Variants in PLEKHG3 observed in about 807,000 individuals in gnomAD.
PLEKHG3 encodes the protein pleckstrin homology and RhoGEF domain containing G3, also known as pleckstrin homology domain-containing family G member 3.
PLEKHG3 carries 62 observed loss-of-function variants against 94.9 expected under a neutral mutation model. The observed-to-expected ratio is 0.65, with a 90% confidence interval of 0.53 to 0.81. PLEKHG3 has a LOEUF of 0.81. Ranked by LOEUF, PLEKHG3 falls within the 30% of genes least tolerant of loss-of-function variation. The pLI is 0.00. For missense variants in PLEKHG3, 1,461 were observed against 1,619.3 expected, an observed-to-expected ratio of 0.90 and a Z score of 1.68; for synonymous variants, 614 against 654.0, an observed-to-expected ratio of 0.94 and a Z score of 0.93.
chr14:64,729,560 T>C (rs1594688692), intron 3 of PLEKHG3, among the ~76,000 whole-genome samples: 1 of 152,152 alleles, frequency 6.6e-6, no homozygotes, highest in Admixed American at 6.5e-5. Context: ...CCAGGGGCTG[T>C]GTCAGGGCAA....
chr14:64,743,606 C>G lies in PLEKHG3; in HGVS notation c.3563C>G (p.Pro1188Arg), dbSNP rs149300151. The G allele has an allele frequency of 3.1e-6, 5 of 1,612,640 alleles. No individual in the cohort carries two copies. In the African/African-American group the frequency reaches 6.7e-5, roughly 22 times the overall value. ...TTCCAGCAGTCTGCAGAGTGCCAGC[C>G]GAAGGAAGAGGGTTCCAGGGACCCG... Reference protein sequence around the residue: ...QDFQQSAECQPKEEGSRDPAD... With the variant: ...QDFQQSAECQRKEEGSRDPAD... Residue 1188 changes from proline (P) to arginine (R), a missense_variant, in exon 17 of 17, where the codon CCG becomes CGG. Pro to Arg is a moderately radical substitution (Grantham distance 103). This residue lies in a region of PLEKHG3 where 1,201 missense variants were observed against 1,295.5 expected (regional missense o/e 0.93). Coordinates refer to ENST00000247226, the MANE Select transcript of PLEKHG3 (RefSeq NM_001308147.2). This position sits in a 1 kb window ranked among gnomAD's most constrained non-coding sequence, Gnocchi z 7.2.
At position 64,738,280 on chromosome 14, in the gene PLEKHG3, C is replaced by T; in HGVS notation, c.1405-462C>T. On this transcript the variant is annotated intron_variant, in intron 14 of 16. Coordinates refer to ENST00000247226, the MANE Select transcript of PLEKHG3 (RefSeq NM_001308147.2). This position sits in a 1 kb window ranked among gnomAD's most constrained non-coding sequence, Gnocchi z 4.8. ...TTGCATGCTCCCTGGGATGTGCATGCCCACCCGAGGGCCCCCTCTGCTGCC... is the reference window on the plus strand; with the variant it reads ...TTGCATGCTCCCTGGGATGTGCATGTCCACCCGAGGGCCCCCTCTGCTGCC... 6 of 1,158,470 alleles carry T rather than the reference C, an allele frequency of 5.2e-6. No individual in the cohort carries two copies. Among genetic ancestry groups the T allele is most frequent in the Non-Finnish European group, 6.8e-6 (6 of 876,220 alleles). 71.8% of individuals were successfully genotyped at this position (1,158,470 alleles called of 1,614,324 possible).
chr14:64,725,250 G>A lies in PLEKHG3; in HGVS notation c.-39-2343G>A, dbSNP rs1476957452. 1.3e-5 allele frequency among the ~76,000 whole-genome samples: 2 copies of A among 152,144 alleles called. No individual in the cohort carries two copies. The highest frequency in any genetic ancestry group is 4.8e-5 in the African/African-American group (2 of 41,430). On this transcript the variant is annotated intron_variant, in intron 1 of 16. Transcript: ENST00000247226. This position sits in a 1 kb window ranked among gnomAD's most constrained non-coding sequence, Gnocchi z 5.0. ...TTTGCTTTAAGACTGTGAACTGGCT[G>A]GCTGTGAAATCCATTTGGGAGTGGG...
At position 64,741,095 on chromosome 14, in the gene PLEKHG3, C is replaced by A; in HGVS notation, c.1578C>A (p.Pro526=). The A allele has an allele frequency of 1.2e-6, 2 of 1,613,264 alleles. No individual in the cohort carries two copies. The highest frequency in any genetic ancestry group is 1.7e-6 in the Non-Finnish European group (2 of 1,179,412). ...EQEVFSAVEG[P]SAEETPSDTE... ...AGGTATTTTCTGCTGTGGAAGGGCCCAGTGCCGAGGAGACGCCTTCAGACA... is the reference window on the plus strand; with the variant it reads ...AGGTATTTTCTGCTGTGGAAGGGCCAAGTGCCGAGGAGACGCCTTCAGACA... Residue 526 remains proline, a synonymous_variant, in exon 16 of 17, where the codon CCC becomes CCA. Transcript: ENST00000247226.
Position 64,737,029 on chromosome 14 carries a change from C to T in PLEKHG3, c.1384+138C>T, listed in dbSNP as rs2081584882. 1.4e-5 allele frequency: 11 copies of T among 758,886 alleles called. No individual in the cohort carries two copies. In the Admixed American group the frequency reaches 2.2e-4, roughly 15 times the overall value. 47.0% of individuals were successfully genotyped at this position (758,886 alleles called of 1,614,324 possible). Reference sequence around the variant, plus strand: ...GTAGAGGGAACTCTGCCTCCATTCCCCCCAGAAGAGGGCCTCGCCCCTGGC... The same window carrying T: ...GTAGAGGGAACTCTGCCTCCATTCCTCCCAGAAGAGGGCCTCGCCCCTGGC... On this transcript the variant is annotated intron_variant, in intron 13 of 16. Coordinates refer to ENST00000247226, the MANE Select transcript of PLEKHG3 (RefSeq NM_001308147.2).
In PLEKHG3 at chr14:64,739,258, C is replaced by T. The variant is rs1256984470; in HGVS notation, c.1518+403C>T. ...GGGTAGAGAACTGATATCTGTTGGA[C>T]ACCTCCTCTGTAACTGATGTGTTAT... On this transcript the variant is annotated intron_variant, in intron 15 of 16. Coordinates refer to ENST00000247226, the MANE Select transcript of PLEKHG3 (RefSeq NM_001308147.2). This position sits in a 1 kb window ranked among gnomAD's most constrained non-coding sequence, Gnocchi z 4.1. 2.0e-5 allele frequency among the ~76,000 whole-genome samples: 3 copies of T among 152,206 alleles called. No individual in the cohort carries two copies. The highest frequency in any genetic ancestry group is 4.8e-5 in the African/African-American group (2 of 41,440).
Position 64,732,079 on chromosome 14 carries a change from C to T in PLEKHG3, c.1126-16C>T. On this transcript the variant is annotated splice_polypyrimidine_tract_variant and intron_variant, in intron 9 of 16. Transcript: ENST00000247226. The surrounding 1 kb of genome is among the most constrained non-coding windows in gnomAD (Gnocchi z 4.9). ...TAATGATAACCACTGGGTCCCTTTC[C>T]CTTGGGTCCTCCCAGGCCAAGACAG... The T allele has an allele frequency of 6.3e-7, 1 of 1,594,698 alleles. No homozygotes were observed. The highest frequency in any genetic ancestry group is 8.6e-7 in the Non-Finnish European group (1 of 1,162,298).
Position 64,716,871 on chromosome 14 carries a change from C to A in PLEKHG3, c.-39-10722C>A, listed in dbSNP as rs1046187164. Among the ~76,000 whole-genome samples the A allele has an allele frequency of 6.6e-6, 1 of 152,174 alleles. No individual in the cohort carries two copies. The highest frequency in any genetic ancestry group is 1.5e-5 in the Non-Finnish European group (1 of 68,040). The stretch of plus-strand genomic sequence containing the variant: ...TTGGGATTGGGTAATACTGCCCCAC[C>A]GGTCTGAATTCTGGTCCATGTACGC... On this transcript the variant is annotated intron_variant, in intron 1 of 16. Transcript: ENST00000247226. The surrounding 1 kb of genome is among the most constrained non-coding windows in gnomAD (Gnocchi z 5.0).
At chr14:64,737,963 A>AGAGGAC in intron 14 of PLEKHG3, 2 of 1,208,206 alleles carry the variant, frequency 1.7e-6, no homozygotes, top group Non-Finnish European at 2.1e-6. Flanking sequence ...AGGAAGAGGA[A>AGAGGAC]GAGGAGGAGG....
In PLEKHG3 at chr14:64,741,741, C is replaced by G. The variant is rs200665695; in HGVS notation, c.2224C>G (p.Leu742Val). 8.7e-6 allele frequency: 14 copies of G among 1,613,184 alleles called. No individual in the cohort carries two copies. The highest frequency in any genetic ancestry group is 3.4e-6 in the Non-Finnish European group (4 of 1,180,038). Residue 742 changes from leucine to valine, a missense_variant, in exon 16 of 17, where the codon CTC (leucine) becomes GTC (valine). Physicochemically the swap from Leu to Val is conservative, Grantham distance 32. Coordinates refer to ENST00000247226, the MANE Select transcript of PLEKHG3 (RefSeq NM_001308147.2). ...CTTCAGCGTCCGTCGCCGGGAGAGCCTCTCCTACATCCCCAAAGGACTGGT... is the reference window on the plus strand; with the variant it reads ...CTTCAGCGTCCGTCGCCGGGAGAGCGTCTCCTACATCCCCAAAGGACTGGT... ...AGFSVRRRES[L>V]SYIPKGLVRN...
chr14:64,731,550 A>G lies in PLEKHG3; in HGVS notation c.1032+7A>G, dbSNP rs763392811. On this transcript the variant is annotated splice_region_variant and intron_variant, in intron 8 of 16. Coordinates refer to ENST00000247226, the MANE Select transcript of PLEKHG3 (RefSeq NM_001308147.2). The surrounding 1 kb of genome is among the most constrained non-coding windows in gnomAD (Gnocchi z 6.1). ...CTACAAGGGCAACATCCCGGTAACC[A>G]GGCCCTGCCCCATCTCCTCTGCCAT... The G allele has an allele frequency of 1.9e-6, 3 of 1,613,252 alleles. No homozygotes were observed. The highest frequency in any genetic ancestry group is 2.2e-5 in the South Asian group (2 of 91,034).
chr14:64,728,131 C>G lies in PLEKHG3; in HGVS notation c.351+149C>G. 1.7e-6 allele frequency: 1 copy of G among 593,150 alleles called. No homozygotes were observed. The allele number at this position is 593,150 out of a possible 1,614,324, so 36.7% of individuals were successfully genotyped here. On this transcript the variant is annotated intron_variant, in intron 2 of 16. Coordinates refer to ENST00000247226, the MANE Select transcript of PLEKHG3 (RefSeq NM_001308147.2). This position sits in a 1 kb window ranked among gnomAD's most constrained non-coding sequence, Gnocchi z 5.9. ...GACTGCACTGTGAAAGCTGTTGACC[C>G]CTGAGGCTTCCCTAGGACCTTGGGC...
At position 64,704,694 on chromosome 14, in the gene PLEKHG3, G is replaced by C. The variant is rs999734424; in HGVS notation, c.-50G>C. On this transcript the variant is annotated 5_prime_UTR_variant, in exon 1 of 17. Transcript: ENST00000247226. The surrounding 1 kb of genome is among the most constrained non-coding windows in gnomAD (Gnocchi z 5.6). Reference sequence around the variant, plus strand: ...GTGCGCGTCCCGAGCCCGCGGGGCAGCTACCGCTCGGTGAGTGTCCCCTGA... The same window carrying C: ...GTGCGCGTCCCGAGCCCGCGGGGCACCTACCGCTCGGTGAGTGTCCCCTGA... 2 of 152,572 alleles carry C rather than the reference G, an allele frequency of 1.3e-5. No individual in the cohort carries two copies. The highest frequency in any genetic ancestry group is 4.8e-5 in the African/African-American group (2 of 41,484). 9.5% of individuals were successfully genotyped at this position (152,572 alleles called of 1,614,324 possible).
rs397954215 is a variant in PLEKHG3 at position 64,744,771 on chromosome 14, A to ATTTTTTTTTTTTTTTTTTTTTTTTTTTT, written c.*1088_*1089insTTTTTTTTTTTTTTTTTTTTTTTTTTTT. The stretch of plus-strand genomic sequence containing the variant: ...CCAGGAAACATCCTAGAAGACAAGG[A>ATTTTTTTTTTTTTTTTTTTTTTTTTTTT]TTTTTTTTTTTTTTTTTTTTGAGAC... On this transcript the variant is annotated 3_prime_UTR_variant, in exon 17 of 17. Coordinates refer to ENST00000247226, the MANE Select transcript of PLEKHG3 (RefSeq NM_001308147.2). 8.2e-6 allele frequency: 1 copy of ATTTTTTTTTTTTTTTTTTTTTTTTTTTT among 122,040 alleles called. No individual in the cohort carries two copies. Among genetic ancestry groups the ATTTTTTTTTTTTTTTTTTTTTTTTTTTT allele is most frequent in the African/African-American group, 3.4e-5 (1 of 29,460 alleles). The allele number at this position is 122,040 out of a possible 1,614,324, so 7.6% of individuals were successfully genotyped here. A position where few individuals can be genotyped will look rare whatever the true frequency, so the allele number is the denominator to read the frequency against.
intron 3 of PLEKHG3, among the ~76,000 whole-genome samples, 178 bp downstream of exon 3, chr14:64,729,271 C>G (rs2081412095): frequency 6.6e-6 from 1 of 152,136 alleles, no homozygotes; most frequent in Non-Finnish European, 1.5e-5. Flanking sequence ...TGCTTTCTCT[C>G]AAGGGCAGAC....
intron 15 of PLEKHG3, 69 bp from the exon 16 acceptor site, chr14:64,740,967 G>C (rs927749651): frequency 7.6e-7 from 1 of 1,315,926 alleles, no homozygotes; most frequent in Admixed American, 2.3e-5. Context: ...AGGCCATGCT[G>C]TCCCCTTGTT....
At position 64,743,211 on chromosome 14, in the gene PLEKHG3, G is replaced by C. The variant is rs2081753508; in HGVS notation, c.3168G>C (p.Lys1056Asn). The change falls in exon 17 of 17, where the codon AAG becomes AAC. Residue 1056 changes from lysine (K) to asparagine (N), a missense_variant. This residue lies in a region of PLEKHG3 where 1,201 missense variants were observed against 1,295.5 expected (regional missense o/e 0.93). Transcript: ENST00000247226. This position sits in a 1 kb window ranked among gnomAD's most constrained non-coding sequence, Gnocchi z 7.2. ...CCGACGTCCGTGAGCTCTGCTCCAA[G>C]TATGCCTCCCGCGATGAGGCACGCC... ...SWPDVRELCS[K>N]YASRDEARRA... The C allele has an allele frequency of 6.2e-7, 1 of 1,609,740 alleles. No individual in the cohort carries two copies.
In PLEKHG3 at chr14:64,739,044, C is replaced by A. The variant is rs560432186; in HGVS notation, c.1518+189C>A. Among the ~76,000 whole-genome samples, 22 of 152,296 alleles carry A rather than the reference C, an allele frequency of 1.4e-4. No individual in the cohort carries two copies. The highest frequency in any genetic ancestry group is 5.3e-4 in the African/African-American group (22 of 41,550). On this transcript the variant is annotated intron_variant, in intron 15 of 16. Transcript: ENST00000247226. The surrounding 1 kb of genome is among the most constrained non-coding windows in gnomAD (Gnocchi z 4.1). ...TAGAGTATATGGTTTGGTGAGCAGA[C>A]CACCCCTTTCTATGAAGTAGAGAAA...
chr14:64,710,508 A>G (rs1041459309), intron 1 of PLEKHG3, among the ~76,000 whole-genome samples: 130 of 152,234 alleles, frequency 8.5e-4, no homozygotes, highest in African/African-American at 2.8e-3. Context: ...CGTCTCTATT[A>G]AAGATAACAA....
Sources: gnomAD v4.1 joint callset for allele counts (sites outside exome capture counted in the v4.1 genomes callset) on GRCh38, gnomAD v4.1.1 for gene constraint, gnomAD v4.1.1 regional missense constraint, Gnocchi (gnomAD v3.1) non-coding constraint, MANE v1.5 for transcripts, NCBI Gene and HGNC (gene_info 2026-07-23, HGNC 2026-07-21) for gene names.